TDRD12: variants seen among roughly 807,000 people sequenced by gnomAD.
TDRD12 encodes putative ATP-dependent RNA helicase TDRD12.
In TDRD12, 158 loss-of-function variants were observed where a neutral mutation model predicts 133.5. That is an observed-to-expected ratio of 1.18 (90% CI 1.04 to 1.35). The LOEUF (loss-of-function observed/expected upper bound fraction) is 1.35, where lower values mean the gene tolerates loss of function less well. TDRD12 is among the 40% of genes most tolerant of loss of function. TDRD12 has a pLI of 0.00. For missense variants in TDRD12, 1,443 were observed against 1,321.3 expected (o/e 1.09, Z -1.43); for synonymous variants, 460 against 477.9 (o/e 0.96, Z 0.49).
chr19:32,822,746 C>CAAAAA (rs61143161), downstream of TDRD12, among the ~76,000 whole-genome samples: 14,691 of 139,430 alleles, frequency 0.11, 993 homozygotes, highest in Middle Eastern at 0.16. Flanking sequence ...GACTCCATCT[C>CAAAAA]AAAAAAAAAA....
At chr19:32,778,491 A>ATTAT (rs987121848) in intron 11 of TDRD12, among the ~76,000 whole-genome samples, 9 of 151,460 alleles carry the variant, frequency 5.9e-5, no homozygotes, top group Non-Finnish European at 1.3e-4. Flanking sequence ...TCTTTTTTTC[A>ATTAT]TTATTTATTT....
intron 26 of TDRD12, among the ~76,000 whole-genome samples, chr19:32,816,319 G>C (rs1967179969): frequency 1.3e-5 from 2 of 152,066 alleles, no homozygotes; most frequent in Admixed American, 1.3e-4. Flanking sequence ...CTCCCTCTAG[G>C]TACTCCCCCT....
intron 8 of TDRD12, among the ~76,000 whole-genome samples, chr19:32,762,851 G>C (rs1055667253): frequency 1.8e-4 from 28 of 152,080 alleles, no homozygotes; most frequent in African/African-American, 6.8e-4. Context: ...AACATCATAG[G>C]GTGTACTTAC....
chr19:32,734,294 CT>C (rs1357957674), intron 2 of TDRD12, among the ~76,000 whole-genome samples: 1 of 151,866 alleles, frequency 6.6e-6, no homozygotes, highest in African/African-American at 2.4e-5. Context: ...CAACTTAGTG[CT>C]TTGTGCCTAG....
chr19:32,730,420 T>C (rs8102279), intron 1 of TDRD12, among the ~76,000 whole-genome samples: 100,092 of 151,884 alleles, frequency 0.66, 35,003 homozygotes, highest in African/African-American at 0.9. Flanking sequence ...TGAATCTCCT[T>C]CAGGTTCTGC....
At chr19:32,739,030 A>T in intron 3 of TDRD12, 38 bp downstream of exon 3, 1 of 1,547,780 alleles carries the variant, frequency 6.5e-7, no homozygotes. Flanking sequence ...CTCTTTTCAG[A>T]GACAAATGTC....
intron 25 of TDRD12, 115 bp from the exon 26 acceptor site, chr19:32,815,333 A>C (rs1599623952): frequency 1.2e-6 from 1 of 845,328 alleles, no homozygotes; most frequent in South Asian, 1.8e-5. Flanking sequence ...GCAAGCGCCG[A>C]AGTGCAGCCA....
intron 24 of TDRD12, among the ~76,000 whole-genome samples, chr19:32,812,643 G>T (rs1301202634): frequency 6.6e-6 from 1 of 152,228 alleles, no homozygotes; most frequent in Non-Finnish European, 1.5e-5. Context: ...GAATGTCACA[G>T]TTCTTTCCCC....
intron 11 of TDRD12, among the ~76,000 whole-genome samples, chr19:32,788,712 G>C (rs979092716): frequency 6.6e-6 from 1 of 152,226 alleles, no homozygotes; most frequent in African/African-American, 2.4e-5. Context: ...GTCCTTGATT[G>C]TCTGCCTGTA....
Position 32,735,314 on chromosome 19 carries a change from T to G in TDRD12, c.183+3431T>G, listed in dbSNP as rs1028526959. 5.3e-5 allele frequency among the ~76,000 whole-genome samples: 8 copies of G among 152,122 alleles called. No individual in the cohort carries two copies. In the East Asian group the frequency reaches 1.5e-3, roughly 29 times the overall value. ...AAAAGAAGCAGCCTTATTGGTAATA[T>G]GGAGAAAGTTTTATTGGTCAGGATA... On this transcript the variant is annotated intron_variant, in intron 2 of 27. Coordinates refer to ENST00000444215, the Ensembl canonical transcript of TDRD12.
intron 4 of TDRD12, among the ~76,000 whole-genome samples, chr19:32,746,046 G>A (rs924050303): frequency 6.6e-6 from 1 of 150,680 alleles, no homozygotes; most frequent in Non-Finnish European, 1.5e-5. Flanking sequence ...TTCTGTGTGT[G>A]TGAGAGAGAG....
In TDRD12 at chr19:32,749,867, AAAGT is replaced by A. The variant is rs1319751323; in HGVS notation, c.582+3_582+6del. ...CCTTTATGTAACTATAAAAGATGAA[AAAGT>A]AAGTGAAAGAATTGTATTTTTATAA... On this transcript the variant is annotated splice_donor_variant and coding_sequence_variant, in exon 6 of 28. Transcript: ENST00000444215. LOFTEE classifies it high-confidence loss of function. 6.6e-7 allele frequency: 1 copy of A among 1,506,946 alleles called. No homozygotes were observed. The highest frequency in any genetic ancestry group is 9.0e-7 in the Non-Finnish European group (1 of 1,114,092). 93.3% of individuals were successfully genotyped at this position (1,506,946 alleles called of 1,614,324 possible).
exon 5 of TDRD12, chr19:32,748,506 T>C: frequency 1.3e-6 from 2 of 1,551,862 alleles, no homozygotes; most frequent in Non-Finnish European, 1.7e-6. Context: ...ATGCAGCTAT[T>C]CAGTACTTTC....
At chr19:32,739,963 ATGCATCTCCTGGGTGCTGTC>A (rs1969362592) in intron 3 of TDRD12, among the ~76,000 whole-genome samples, 8 of 65,244 alleles carry the variant, frequency 1.2e-4, no homozygotes, top group Admixed American at 4.0e-4. Flanking sequence ...TAGGTACTCT[ATGCATCTCCTGGGTGCTGTC>A]TGCATCTCCT....
chr19:32,796,234 A>G, intron 14 of TDRD12: 4 of 947,098 alleles, frequency 4.2e-6, no homozygotes, highest in Non-Finnish European at 5.0e-6. Flanking sequence ...GGTTGCAGTT[A>G]GGAAAAATAC....
intron 4 of TDRD12, among the ~76,000 whole-genome samples, chr19:32,744,681 G>A (rs188675059): frequency 5.3e-5 from 8 of 152,056 alleles, no homozygotes; most frequent in Admixed American, 2.6e-4. Flanking sequence ...GTTCCCTCTC[G>A]GGTGCGGGCG....
intron 7 of TDRD12, among the ~76,000 whole-genome samples, chr19:32,756,438 A>G (rs1451096190): frequency 6.6e-6 from 1 of 151,974 alleles, no homozygotes; most frequent in Non-Finnish European, 1.5e-5. Flanking sequence ...CCCAGGCTGG[A>G]GTGCAGTGGT....
Position 32,800,330 on chromosome 19 carries a change from AG to A in TDRD12, c.1924del (p.Ala642LeufsTer10). The A allele has an allele frequency of 6.6e-7, 1 of 1,525,008 alleles. No homozygotes were observed. Among genetic ancestry groups the A allele is most frequent in the South Asian group, 1.2e-5 (1 of 80,994 alleles). 94.5% of individuals were successfully genotyped at this position (1,525,008 alleles called of 1,614,324 possible). A position where few individuals can be genotyped will look rare whatever the true frequency, so the allele number is the denominator to read the frequency against. On this transcript the variant is annotated frameshift_variant, in exon 17 of 28. Coordinates refer to ENST00000444215, the Ensembl canonical transcript of TDRD12. LOFTEE classifies it high-confidence loss of function. ...TACATTGTGATCACAGCCATGGAAGAGGCTGCTCTCTATGGCAATGTCCAAC... is the reference window on the plus strand; with the variant it reads ...TACATTGTGATCACAGCCATGGAAGAGCTGCTCTCTATGGCAATGTCCAAC...
chr19:32,794,770 T>C, exon 14 of TDRD12: 2 of 703,504 alleles, frequency 2.8e-6, no homozygotes, highest in Non-Finnish European at 5.2e-6. Context: ...TTGACAGTTT[T>C]GCAAACAGGA....
Sources: allele counts gnomAD v4.1 joint callset (sites outside exome capture counted in the v4.1 genomes callset), GRCh38; gene constraint gnomAD v4.1.1; transcripts MANE v1.5; gene names NCBI Gene and HGNC (gene_info 2026-07-23, HGNC 2026-07-21).